The following SNTG1 variants were observed in gnomAD, a reference collection of about 807,000 sequenced individuals.
SNTG1 encodes gamma-1-syntrophin.
In SNTG1, 39 loss-of-function variants were observed where a neutral mutation model predicts 74.7. That is an observed-to-expected ratio of 0.52 (90% CI 0.40 to 0.68). The LOEUF (loss-of-function observed/expected upper bound fraction) is 0.68. Among genes scored for constraint, SNTG1 ranks in the 30% least tolerant of loss-of-function variants. SNTG1 has a pLI of 0.00. For missense variants in SNTG1, 685 were observed against 609.5 expected (o/e 1.12, Z -1.30); for synonymous variants, 254 against 217.1 (o/e 1.17, Z -1.49).
intron 1 of SNTG1, among the ~76,000 whole-genome samples, chr8:50,033,594 T>C (rs2130771601): frequency 6.6e-6 from 1 of 152,314 alleles, no homozygotes; most frequent in East Asian, 1.9e-4. Context: ...ATGGATTTCC[T>C]CTGAAGCCTT....
At chr8:50,777,052 GGC>G (rs2095642850) in intron 18 of SNTG1, among the ~76,000 whole-genome samples, 2 of 151,548 alleles carry the variant, frequency 1.3e-5, no homozygotes, top group African/African-American at 2.4e-5. Flanking sequence ...GATGTGTCTT[GGC>G]AAGGATTTCT....
intron 1 of SNTG1, among the ~76,000 whole-genome samples, chr8:50,111,130 CTA>C (rs10534237): frequency 0.2 from 30,886 of 151,958 alleles, 3,257 homozygotes; most frequent in South Asian, 0.36. Flanking sequence ...ACATCAATGC[CTA>C]TGAGTGTTAG....
At chr8:50,307,105 TTTAATTCTTTG>T (rs1254621589) in intron 2 of SNTG1, among the ~76,000 whole-genome samples, 3 of 152,088 alleles carry the variant, frequency 2.0e-5, no homozygotes, top group Non-Finnish European at 1.5e-5. Flanking sequence ...TATACCATGA[TTTAATTCTTTG>T]TTGTTCCGCT....
At chr8:50,115,581 A>AAAAAAAAAAAAAAAAAAAAAAAAAAC (rs1563617770) in intron 1 of SNTG1, among the ~76,000 whole-genome samples, 3 of 147,720 alleles carry the variant, frequency 2.0e-5, no homozygotes, top group African/African-American at 7.5e-5. Context: ...AAAAAAAAAA[A>AAAAAAAAAAAAAAAAAAAAAAAAAAC]AAAAAACGAG....
intron 1 of SNTG1, among the ~76,000 whole-genome samples, chr8:49,979,440 T>G (rs1812480608): frequency 6.6e-6 from 1 of 152,240 alleles, no homozygotes; most frequent in Non-Finnish European, 1.5e-5. Context: ...TCTGTGCTTT[T>G]GATGACAATA....
At chr8:50,697,575 C>G (rs536601097) in intron 15 of SNTG1, among the ~76,000 whole-genome samples, 1 of 151,972 alleles carries the variant, frequency 6.6e-6, no homozygotes, top group East Asian at 1.9e-4. Context: ...TCATATATGA[C>G]CTTTATTATT....
intron 2 of SNTG1, among the ~76,000 whole-genome samples, chr8:50,298,763 GACGGC>G (rs1319298594): frequency 1.3e-5 from 2 of 152,132 alleles, no homozygotes; most frequent in Admixed American, 1.3e-4. Flanking sequence ...TAGAGGAAGT[GACGGC>G]AAACATTTCC....
chr8:50,321,545 A>G (rs1340295502), intron 2 of SNTG1, among the ~76,000 whole-genome samples: 1 of 151,096 alleles, frequency 6.6e-6, no homozygotes, highest in Non-Finnish European at 1.5e-5. Context: ...GTTATTATTG[A>G]TAAGTAAGGA....
intron 1 of SNTG1, among the ~76,000 whole-genome samples, chr8:49,975,560 G>A (rs1368029358): frequency 6.6e-6 from 1 of 152,114 alleles, no homozygotes; most frequent in African/African-American, 2.4e-5. Flanking sequence ...TTTTCAGGAT[G>A]AGAATATGAA....
chr8:50,638,915 A>G (rs972026368), intron 13 of SNTG1, among the ~76,000 whole-genome samples: 8 of 152,260 alleles, frequency 5.3e-5, no homozygotes, highest in East Asian at 1.9e-4. Context: ...ACATCCAACT[A>G]GACCCAAAGC....
chr8:50,303,553 A>G (rs184876110), intron 2 of SNTG1, among the ~76,000 whole-genome samples: 205 of 152,166 alleles, frequency 1.3e-3, no homozygotes, highest in Middle Eastern at 3.4e-3. Flanking sequence ...TAATATGTAT[A>G]ATTTCATAGA....
chr8:50,049,642 C>T (rs1819399629), intron 1 of SNTG1, among the ~76,000 whole-genome samples: 1 of 152,084 alleles, frequency 6.6e-6, no homozygotes, highest in Admixed American at 6.6e-5. Flanking sequence ...TCAACTAAAT[C>T]TAGTTGGCAC....
At chr8:50,518,231 A>T (rs550667549) in intron 9 of SNTG1, among the ~76,000 whole-genome samples, 4 of 152,352 alleles carry the variant, frequency 2.6e-5, no homozygotes, top group Admixed American at 1.3e-4. Context: ...AAATTAAGGC[A>T]GAAATAAATA....
chr8:50,252,027 A>T (rs543315796), intron 2 of SNTG1, among the ~76,000 whole-genome samples: 1 of 152,290 alleles, frequency 6.6e-6, no homozygotes, highest in South Asian at 2.1e-4. Context: ...ATGACCACAG[A>T]AGTATAAAAC....
chr8:50,581,929 A>C (rs895675493), intron 12 of SNTG1, among the ~76,000 whole-genome samples: 2 of 152,202 alleles, frequency 1.3e-5, no homozygotes, highest in Admixed American at 6.5e-5. Flanking sequence ...AGCCATGCAA[A>C]GGATAAGATG....
intron 13 of SNTG1, among the ~76,000 whole-genome samples, chr8:50,608,577 T>C (rs2094829357): frequency 6.6e-6 from 1 of 151,910 alleles, no homozygotes; most frequent in African/African-American, 2.4e-5. Flanking sequence ...AGCTTCAATC[T>C]GTTTTCCAAT....
chr8:49,983,262 C>T, intron 1 of SNTG1, among the ~76,000 whole-genome samples: 1 of 152,262 alleles, frequency 6.6e-6, no homozygotes, highest in Middle Eastern at 3.4e-3. Context: ...TCATTGTAAA[C>T]AGCGAGTTGT....
chr8:50,103,743 C>T (rs1332172010), intron 1 of SNTG1, among the ~76,000 whole-genome samples: 2 of 152,094 alleles, frequency 1.3e-5, no homozygotes, highest in Non-Finnish European at 1.5e-5. Context: ...CCATCAATAC[C>T]TAATTTATTG....
intron 8 of SNTG1, among the ~76,000 whole-genome samples, chr8:50,480,220 G>T (rs1011524645): frequency 6.9e-6 from 1 of 144,296 alleles, no homozygotes; most frequent in Non-Finnish European, 1.5e-5. Flanking sequence ...ATTTTAATTC[G>T]CTCTGATTGT....
Sources: gnomAD v4.1 joint callset for allele counts (sites outside exome capture counted in the v4.1 genomes callset) on GRCh38, gnomAD v4.1.1 for gene constraint, MANE v1.5 for transcripts, NCBI Gene and HGNC (gene_info 2026-07-23, HGNC 2026-07-21) for gene names.